The following MZT2B variants were observed in gnomAD, a reference collection of about 807,000 sequenced individuals.
MZT2B encodes mitotic-spindle organizing protein 2B.
In MZT2B, 11 loss-of-function variants were observed where a neutral mutation model predicts 12.1. The ratio of observed to expected loss-of-function variants is 0.91; its 90% CI spans 0.57 to 1.50. The LOEUF (loss-of-function observed/expected upper bound fraction) is 1.50, where lower values mean the gene tolerates loss of function less well. MZT2B is among the 40% of genes most tolerant of loss of function. The pLI, the probability that MZT2B is intolerant of heterozygous loss-of-function variation, is 0.00. For missense variants in MZT2B, 209 were observed against 227.7 expected, an observed-to-expected ratio of 0.92 and a Z score of 0.53; for synonymous variants, 85 against 109.5, an observed-to-expected ratio of 0.78 and a Z score of 1.40.
rs765491049 is a variant in MZT2B at position 130,190,494 on chromosome 2, C to T, written c.345C>T (p.Leu115=). 1.4e-5 allele frequency: 22 copies of T among 1,613,576 alleles called. No homozygotes were observed. The highest frequency in any genetic ancestry group is 2.2e-5 in the East Asian group (1 of 44,866). The part of the protein sequence containing the change: ...TRGRNKGSAA[L]GGALALAERS... ...GGAGAAACAAAGGCAGCGCTGCCCT[C>T]GGGGGAGCATTGGCCCTGGCGGAAC... The change falls in exon 3 of 3, where the codon CTC becomes CTT. Residue 115 remains leucine, a synonymous_variant. Transcript: ENST00000281871.
chr2:130,185,331 C>T (rs1024055364), intron 2 of MZT2B, among the ~76,000 whole-genome samples: 1 of 145,884 alleles, frequency 6.9e-6, no homozygotes, highest in Admixed American at 6.9e-5. Flanking sequence ...AAAAACTAGC[C>T]AGGTGGGCAT....
chr2:130,198,487 G>T, the MZT2B span: 4 of 1,159,160 alleles, frequency 3.5e-6, 1 homozygote, highest in Non-Finnish European at 3.5e-6. Flanking sequence ...GTGCCAGGCC[G>T]CCATTGGCTC....
In MZT2B at chr2:130,186,599, G is replaced by A. The variant is rs193079158; in HGVS notation, c.319+3824G>A. 7.7e-4 allele frequency among the ~76,000 whole-genome samples: 118 copies of A among 152,298 alleles called. 2 individuals carry two copies. Among genetic ancestry groups the A allele is most frequent in the Admixed American group, 6.6e-3 (101 of 15,298 alleles). ...ATGGCTGGCATGGTCATTGCACTGCGTGTGGTATGCACAGCAGATGCCAAA... is the reference window on the plus strand; with the variant it reads ...ATGGCTGGCATGGTCATTGCACTGCATGTGGTATGCACAGCAGATGCCAAA... On this transcript the variant is annotated intron_variant, in intron 2 of 2. Coordinates refer to ENST00000281871, the MANE Select transcript of MZT2B (RefSeq NM_025029.5).
intron 2 of MZT2B, 57 bp from the exon 3 acceptor site, chr2:130,190,412 G>C (rs1690220392): frequency 1.9e-6 from 3 of 1,594,996 alleles, no homozygotes; most frequent in Non-Finnish European, 1.7e-6. Flanking sequence ...GAGTACAGCA[G>C]GTGCTGCAGT....
intron 2 of MZT2B, chr2:130,183,947 C>T (rs575411203): frequency 6.4e-7 from 1 of 1,550,590 alleles, no homozygotes; most frequent in East Asian, 2.4e-5. Flanking sequence ...TCTCTTGCTG[C>T]CTGTTCTCTC....
At chr2:130,194,273 G>T (rs777040692), downstream of MZT2B, 6 of 1,547,528 alleles carry the variant, frequency 3.9e-6, 1 homozygote, top group Non-Finnish European at 5.3e-6. Flanking sequence ...CGTGTGGGTG[G>T]TTAGGATGGA....
At chr2:130,181,868 C>G (rs543116378), upstream of MZT2B, 1 of 1,530,026 alleles carries the variant, frequency 6.5e-7, no homozygotes, top group Non-Finnish European at 8.8e-7. Context: ...CCCCTTCCCC[C>G]CGCCCGCCCC....
At chr2:130,193,845 C>T (rs748976129), downstream of MZT2B, 56 of 1,613,900 alleles carry the variant, frequency 3.5e-5, no homozygotes, top group East Asian at 2.7e-4. Context: ...TTGATGGTGG[C>T]GATGGCCGCA....
chr2:130,196,165 C>T, the MZT2B span: 4 of 1,613,552 alleles, frequency 2.5e-6, no homozygotes, highest in Non-Finnish European at 3.4e-6. Context: ...CAGTGGGCTC[C>T]AGGTCCACAA....
the MZT2B span, among the ~76,000 whole-genome samples, chr2:130,203,053 T>C: frequency 8.4e-5 from 11 of 131,498 alleles, no homozygotes; most frequent in East Asian, 7.9e-4. Flanking sequence ...TTTTTCTTTT[T>C]TTTTTTTTTT....
intron 2 of MZT2B, chr2:130,184,758 TGCTCACTCAGC>T: frequency 2.0e-6 from 2 of 985,408 alleles, no homozygotes; most frequent in Non-Finnish European, 2.4e-6. Flanking sequence ...GGGATGTTGC[TGCTCACTCAGC>T]ACTCACTCAG....
At chr2:130,191,271 G>GT (rs946149989), downstream of MZT2B, among the ~76,000 whole-genome samples, 2 of 152,196 alleles carry the variant, frequency 1.3e-5, no homozygotes, top group African/African-American at 2.4e-5. Context: ...TGCCTTCCAG[G>GT]TTACCGTGGA....
At chr2:130,188,634 A>G (rs1212989804) in intron 2 of MZT2B, among the ~76,000 whole-genome samples, 1 of 152,172 alleles carries the variant, frequency 6.6e-6, no homozygotes, top group Non-Finnish European at 1.5e-5. Context: ...AGTTCCAAGC[A>G]TGACACCGCT....
At chr2:130,194,338 C>T (rs1232650919), downstream of MZT2B, 1 of 1,607,646 alleles carries the variant, frequency 6.2e-7, no homozygotes, top group Non-Finnish European at 8.5e-7. Context: ...AAATGGCAAA[C>T]TCTAGCTTGG....
the MZT2B span, among the ~76,000 whole-genome samples, chr2:130,197,505 A>G: frequency 1.8e-5 from 2 of 109,080 alleles, 1 homozygote; most frequent in Non-Finnish European, 3.6e-5. Context: ...AAAAAAAAAA[A>G]AAAGAAAAGA....
intron 2 of MZT2B, among the ~76,000 whole-genome samples, chr2:130,183,340 G>A (rs1237487159): frequency 5.9e-5 from 9 of 152,202 alleles, no homozygotes; most frequent in Admixed American, 5.9e-4. Context: ...GGCCAGTCCT[G>A]GTCAGCTTTC....
intron 2 of MZT2B, chr2:130,184,271 G>A (rs1035547174): frequency 2.6e-4 from 258 of 985,238 alleles, no homozygotes; most frequent in Non-Finnish European, 3.0e-4. Context: ...GCCAGAGTGC[G>A]GTGTGCTGTG....
Position 130,185,693 on chromosome 2 carries a change from G to T in MZT2B, c.319+2918G>T, listed in dbSNP as rs1422890060. Among the ~76,000 whole-genome samples the T allele has an allele frequency of 1.2e-4, 14 of 119,352 alleles. 2 individuals are homozygous for T. Among genetic ancestry groups the T allele is most frequent in the Non-Finnish European group, 2.4e-4 (13 of 54,764 alleles). The allele number at this position is 119,352 out of a possible 152,430, so 78.3% of individuals were successfully genotyped here. ...AGGCCGGGGGCGGGAGGAGGCAGGT[G>T]GGGGGGCACGGTCAAGATGTATGTG... On this transcript the variant is annotated intron_variant, in intron 2 of 2. Coordinates refer to ENST00000281871, the MANE Select transcript of MZT2B (RefSeq NM_025029.5).
At chr2:130,197,910 A>C in the MZT2B span, among the ~76,000 whole-genome samples, 3 of 124,600 alleles carry the variant, frequency 2.4e-5, no homozygotes, top group African/African-American at 8.5e-5. Flanking sequence ...GCCTGGCCTA[A>C]CGGTTGCCTT....
Sources: allele counts gnomAD v4.1 joint callset (sites outside exome capture counted in the v4.1 genomes callset), GRCh38; gene constraint gnomAD v4.1.1; transcripts MANE v1.5; gene names NCBI Gene and HGNC (gene_info 2026-07-23, HGNC 2026-07-21).